Variants in SUGP1 observed in about 807,000 individuals in gnomAD.
SUGP1 encodes the protein SURP and G-patch domain containing 1, also known as SURP and G-patch domain-containing protein 1.
A neutral mutation model predicts 76.5 loss-of-function variants in SUGP1; 34 were observed. The ratio of observed to expected loss-of-function variants is 0.44; its 90% confidence interval spans 0.34 to 0.59. SUGP1 has a LOEUF of 0.59. SUGP1 is among the 20% of genes least tolerant of loss of function. The pLI is 0.01. For missense variants in SUGP1, 752 were observed against 851.7 expected, an observed-to-expected ratio of 0.88 and a Z score of 1.46; for synonymous variants, 326 against 326.2, an observed-to-expected ratio of 1.00 and a Z score of 0.01.
chr19:19,315,369 T>C (rs188776792), intron 2 of SUGP1, among the ~76,000 whole-genome samples: 1 of 151,078 alleles, frequency 6.6e-6, no homozygotes, highest in East Asian at 1.9e-4. Context: ...GAACAAGGCC[T>C]TGGGGAAGGT....
intron 9 of SUGP1, among the ~76,000 whole-genome samples, chr19:19,279,752 G>C (rs2061083114): frequency 6.6e-6 from 1 of 152,202 alleles, no homozygotes; most frequent in Admixed American, 6.5e-5. Flanking sequence ...CACCGACACT[G>C]CCCAACTACA....
At chr19:19,310,302 G>T (rs868459877) in intron 2 of SUGP1, 102 bp from the exon 3 acceptor site, 7 of 875,400 alleles carry the variant, frequency 8.0e-6, no homozygotes, top group Middle Eastern at 5.8e-4. Context: ...GTCCATCATG[G>T]CCCCTAACTC....
At chr19:19,318,522 G>A (rs1321366495) in intron 1 of SUGP1, among the ~76,000 whole-genome samples, 1 of 152,078 alleles carries the variant, frequency 6.6e-6, no homozygotes, top group East Asian at 1.9e-4. Flanking sequence ...TCAAACTCCT[G>A]GGCTCTAGAG....
chr19:19,314,525 G>A lies in SUGP1; in HGVS notation c.206+1897C>T, dbSNP rs532769766. 5.3e-5 allele frequency among the ~76,000 whole-genome samples: 8 copies of A among 152,216 alleles called. No homozygotes were observed. The East Asian group carries it at 1.5e-3, about 29-fold the overall frequency. ...AGAAGGAGTAGAAGTAATTTTATATGAAAAAGAAGGTTCAATGTTGACACT... is the reference window on the plus strand; with the variant it reads ...AGAAGGAGTAGAAGTAATTTTATATAAAAAAGAAGGTTCAATGTTGACACT... On this transcript the variant is annotated intron_variant, in intron 2 of 13. Coordinates refer to ENST00000247001, the MANE Select transcript of SUGP1 (RefSeq NM_172231.4).
intron 2 of SUGP1, among the ~76,000 whole-genome samples, chr19:19,315,436 T>A (rs539880375): frequency 6.6e-6 from 1 of 152,114 alleles, no homozygotes; most frequent in South Asian, 2.1e-4. Flanking sequence ...AGATTATCAA[T>A]CTCCAGCCTG....
Position 19,279,405 on chromosome 19 carries a change from C to T in SUGP1, c.1351-15G>A, listed in dbSNP as rs371367175. On this transcript the variant is annotated splice_polypyrimidine_tract_variant and intron_variant, in intron 9 of 13. Transcript: ENST00000247001. ...ATCTGCTGCATCTGCAGGGCACACT[C>T]GCCAGTGAGCCAGGGCACGGTGCTG... 1.5e-4 allele frequency: 241 copies of T among 1,584,114 alleles called. No homozygotes were observed. Among genetic ancestry groups the T allele is most frequent in the Non-Finnish European group, 1.9e-4 (226 of 1,168,414 alleles).
chr19:19,285,854 C>T (rs1356484333), intron 8 of SUGP1, among the ~76,000 whole-genome samples: 12 of 152,136 alleles, frequency 7.9e-5, no homozygotes, highest in Admixed American at 2.0e-4. Flanking sequence ...CATGAGCTAC[C>T]GTACCCGGCC....
At chr19:19,283,223 T>C (rs1048690572) in intron 8 of SUGP1, among the ~76,000 whole-genome samples, 12 of 152,206 alleles carry the variant, frequency 7.9e-5, no homozygotes, top group African/African-American at 2.9e-4. Flanking sequence ...GTACATAATG[T>C]GTTTTGCAGT....
rs1185040619 is a variant in SUGP1 at position 19,297,003 on chromosome 19, G to A, written c.1229C>T (p.Pro410Leu). The A allele has an allele frequency of 6.3e-7, 1 of 1,582,452 alleles. No individual in the cohort carries two copies. Among genetic ancestry groups the A allele is most frequent in the Admixed American group, 1.7e-5 (1 of 58,322 alleles). The change falls in exon 8 of 14, where the codon CCC becomes CTC. Residue 410 changes from proline to leucine, a missense_variant. By Grantham distance (98) the Pro-to-Leu change is moderately conservative. This residue lies in a region of SUGP1 where 620 missense variants were observed against 617.3 expected (regional missense o/e 1.00). Coordinates refer to ENST00000247001, the MANE Select transcript of SUGP1 (RefSeq NM_172231.4). The part of the protein sequence containing the change: ...ELVQRDVDAS[P>L]SPLSVQDLKG... ...GGTCTGCCCACCTGACAGAGGCGAG[G>A]GAGAGGCATCCACGTCCCTCTGCAC...
At chr19:19,303,258 C>T (rs773006704) in intron 6 of SUGP1, 90 bp downstream of exon 6, 9 of 1,120,112 alleles carry the variant, frequency 8.0e-6, no homozygotes, top group Non-Finnish European at 1.2e-5. Flanking sequence ...CACAGTGCCA[C>T]TCCAGCACCT....
chr19:19,285,790 T>C (rs141057371), intron 8 of SUGP1, among the ~76,000 whole-genome samples: 43 of 151,218 alleles, frequency 2.8e-4, no homozygotes, highest in Admixed American at 2.5e-3. Context: ...TGGTCTCAAT[T>C]CAGGCCTCAA....
chr19:19,301,760 G>A (rs1457206438), intron 7 of SUGP1: 1 of 155,196 alleles, frequency 6.4e-6, no homozygotes. Flanking sequence ...GGGGATGGCA[G>A]GGAGGCTAGG....
chr19:19,278,400 T>G (rs1487748012), intron 11 of SUGP1, among the ~76,000 whole-genome samples: 1 of 152,206 alleles, frequency 6.6e-6, no homozygotes, highest in African/African-American at 2.4e-5. Flanking sequence ...CCGTGGGGAC[T>G]TCTGCCGGAG....
chr19:19,285,269 G>A (rs1219594031), intron 8 of SUGP1, among the ~76,000 whole-genome samples: 3 of 149,472 alleles, frequency 2.0e-5, no homozygotes, highest in African/African-American at 2.5e-5. Context: ...GGGTTCAAGC[G>A]ATTCTCCTGC....
chr19:19,308,532 G>A (rs1438273790), intron 3 of SUGP1, among the ~76,000 whole-genome samples: 1 of 152,252 alleles, frequency 6.6e-6, no homozygotes, highest in Non-Finnish European at 1.5e-5. Context: ...ATGAACACTA[G>A]TGCCCTGGTG....
intron 8 of SUGP1, among the ~76,000 whole-genome samples, chr19:19,287,077 C>G (rs1232654505): frequency 1.3e-5 from 2 of 152,134 alleles, no homozygotes; most frequent in Non-Finnish European, 2.9e-5. Flanking sequence ...GAGTAAGAGA[C>G]CAGCCTGAGC....
chr19:19,314,554 C>T (rs2146629773), intron 2 of SUGP1, among the ~76,000 whole-genome samples: 1 of 152,278 alleles, frequency 6.6e-6, no homozygotes, highest in East Asian at 1.9e-4. Flanking sequence ...TGACACTAAA[C>T]AACCAGGACA....
intron 4 of SUGP1, 68 bp from the exon 5 acceptor site, chr19:19,303,915 A>G (rs2061293647): frequency 6.2e-7 from 1 of 1,606,580 alleles, no homozygotes; most frequent in African/African-American, 1.3e-5. Flanking sequence ...CACTCTCTCT[A>G]TGGACCACAA....
intron 8 of SUGP1, among the ~76,000 whole-genome samples, chr19:19,285,357 G>C (rs1977146296): frequency 6.6e-6 from 1 of 151,944 alleles, no homozygotes; most frequent in Admixed American, 6.6e-5. Context: ...AGTAGAGATG[G>C]GGTTTCACCA....
Sources: gnomAD v4.1 joint callset for allele counts (sites outside exome capture counted in the v4.1 genomes callset) on GRCh38, gnomAD v4.1.1 for gene constraint, gnomAD v4.1.1 regional missense constraint, MANE v1.5 for transcripts, NCBI Gene and HGNC (gene_info 2026-07-23, HGNC 2026-07-21) for gene names.